Variants in RNF8 observed in about 807,000 individuals in gnomAD.
RNF8 encodes the protein ring finger protein 8.
Under a neutral mutation model 59.3 loss-of-function variants are expected in RNF8, and 8 were observed. The ratio of observed to expected loss-of-function variants is 0.13; its 90% CI spans 0.08 to 0.24. The LOEUF is 0.24. RNF8 is among the 10% of genes least tolerant of loss of function. RNF8 has a pLI of 1.00. For missense variants in RNF8, 406 were observed against 572.6 expected (o/e 0.71, Z 2.97); for synonymous variants, 162 against 200.0 (o/e 0.81, Z 1.60).
chr6:37,387,577 T>C (rs60231109), intron 7 of RNF8, among the ~76,000 whole-genome samples: 2,953 of 152,104 alleles, frequency 0.019, 82 homozygotes, highest in African/African-American at 0.067. Context: ...CCTGGGCTCA[T>C]AGGATCAGCC....
At position 37,390,869 on chromosome 6, in the gene RNF8, C is replaced by G. The variant is rs1165124211; in HGVS notation, c.*111C>G. On this transcript the variant is annotated 3_prime_UTR_variant, in exon 8 of 8. Coordinates refer to ENST00000373479, the MANE Select transcript of RNF8 (RefSeq NM_003958.4). ...CTGCTCTGAAGGTCAACTGAGAAGTCTTGTGGGACAGAGACTTGAGTTAGG... is the reference window on the plus strand; with the variant it reads ...CTGCTCTGAAGGTCAACTGAGAAGTGTTGTGGGACAGAGACTTGAGTTAGG... 5.7e-6 allele frequency: 9 copies of G among 1,588,248 alleles called. No homozygotes were observed. The highest frequency in any genetic ancestry group is 6.9e-6 in the Non-Finnish European group (8 of 1,156,622).
In RNF8 at chr6:37,368,925, A is replaced by T; in HGVS notation, c.682A>T (p.Thr228Ser). 6.2e-7 allele frequency: 1 copy of T among 1,614,208 alleles called. No homozygotes were observed. The highest frequency in any genetic ancestry group is 2.2e-5 in the East Asian group (1 of 44,890). ...APIYPGFPKV[T>S]EVHHEQKASN... is the part of the protein sequence containing the mutation. The stretch of plus-strand genomic sequence containing the variant: ...CATTTACCCTGGCTTCCCCAAAGTC[A>T]CAGAGGTTCATCATGAGCAGAAAGC... The change falls in exon 3 of 8, where the codon ACA (threonine) becomes TCA (serine). Residue 228 changes from threonine to serine, a missense_variant. Thr to Ser is a moderately conservative substitution (Grantham distance 58). Coordinates refer to ENST00000373479, the MANE Select transcript of RNF8 (RefSeq NM_003958.4).
chr6:37,378,132 A>G (rs928336987), intron 6 of RNF8, among the ~76,000 whole-genome samples: 1 of 152,130 alleles, frequency 6.6e-6, no homozygotes, highest in African/African-American at 2.4e-5. Flanking sequence ...CATCTCTACT[A>G]AAACTACAAA....
chr6:37,372,734 C>T (rs1264424284), intron 4 of RNF8, among the ~76,000 whole-genome samples: 1 of 152,200 alleles, frequency 6.6e-6, no homozygotes, highest in Non-Finnish European at 1.5e-5. Context: ...CTTTGGGAGG[C>T]CCAGGCAGGC....
At chr6:37,371,460 CT>C (rs1005099896) in intron 3 of RNF8, 51 bp from the exon 4 acceptor site, 5 of 1,526,870 alleles carry the variant, frequency 3.3e-6, no homozygotes, top group Non-Finnish European at 4.5e-6. Context: ...GATTGTGTTC[CT>C]TTTTTTCTTT....
rs55959177 is a variant in RNF8 at position 37,365,329 on chromosome 6, C to T, written c.241-3155C>T. On this transcript the variant is annotated intron_variant, in intron 2 of 7. Transcript: ENST00000373479. The stretch of plus-strand genomic sequence containing the variant: ...ACAGATAAGTAGTTGCCTGGGAATG[C>T]GGGAAAGGTTGACTACCAAGGGGCA... Among the ~76,000 whole-genome samples the T allele has an allele frequency of 6.8e-3, 1,036 of 152,212 alleles. 10 individuals are homozygous for T. Among genetic ancestry groups the T allele is most frequent in the African/African-American group, 0.024 (977 of 41,530 alleles).
intron 1 of RNF8, among the ~76,000 whole-genome samples, chr6:37,359,003 G>A (rs750959582): frequency 5.9e-5 from 9 of 152,130 alleles, no homozygotes; most frequent in Non-Finnish European, 1.0e-4. Flanking sequence ...AGCTGAGGCA[G>A]GAGAATTGCT....
chr6:37,354,765 C>T (rs949567162), intron 1 of RNF8, among the ~76,000 whole-genome samples: 4 of 122,518 alleles, frequency 3.3e-5, no homozygotes, highest in African/African-American at 2.8e-4. Context: ...GCGCACAGAG[C>T]CCCGCGGTGC....
intron 3 of RNF8, chr6:37,369,645 T>TA (rs1347793750): frequency 6.8e-5 from 11 of 162,138 alleles, no homozygotes; most frequent in African/African-American, 2.4e-4. Flanking sequence ...CCAAATCACT[T>TA]AGTCTCAGGG....
rs1049901828 is a variant in RNF8, at chr6:37,390,919, C to T, written c.*161C>T. On this transcript the variant is annotated 3_prime_UTR_variant, in exon 8 of 8. Transcript: ENST00000373479. ...GAAGCCCTCAGTCACTTGCCTTCCA[C>T]GGTGGCCAGCCCTGCTGCCATCATT... The T allele has an allele frequency of 1.0e-4, 123 of 1,202,688 alleles. No individual in the cohort carries two copies. The highest frequency in any genetic ancestry group is 1.3e-4 in the Non-Finnish European group (108 of 811,494). 74.5% of individuals were successfully genotyped at this position (1,202,688 alleles called of 1,614,324 possible).
rs950380441 is a variant in RNF8 at position 37,368,794 on chromosome 6, G to A, written c.551G>A (p.Gly184Asp). 1.9e-6 allele frequency: 3 copies of A among 1,614,164 alleles called. No homozygotes were observed. In the East Asian group the frequency reaches 6.7e-5, roughly 36 times the overall value. Residue 184 changes from glycine (G) to aspartate (D), a missense_variant, in exon 3 of 8, where the codon GGT becomes GAT. Physicochemically the swap from Gly to Asp is moderately conservative, Grantham distance 94. Around this residue, in one of 3 missense-constraint regions of RNF8, gnomAD observed 285 missense variants for 342.0 expected, o/e 0.83. Coordinates refer to ENST00000373479, the MANE Select transcript of RNF8 (RefSeq NM_003958.4). ...ATAAATAAAGTGTCTTGTGAATCTG[G>A]TCAGCCAGTGAAATCACAGGGGAAA... ...SKINKVSCES[G>D]QPVKSQGKGE...
At chr6:37,369,242 A>G (rs1218088548) in intron 3 of RNF8, 24 bp downstream of exon 3, 4 of 1,577,686 alleles carry the variant, frequency 2.5e-6, no homozygotes, top group Non-Finnish European at 3.4e-6. Context: ...GGGAAGGGCA[A>G]GAGTGGTCTT....
intron 7 of RNF8, among the ~76,000 whole-genome samples, chr6:37,385,915 G>T (rs1331501567): frequency 6.8e-6 from 1 of 147,960 alleles, no homozygotes; most frequent in Non-Finnish European, 1.5e-5. Context: ...GCTCACTGTA[G>T]CCTTGGCCTT....
Position 37,360,423 on chromosome 6 carries a change from C to T in RNF8, c.112-23C>T. 1 of 1,599,866 alleles carries T rather than the reference C, an allele frequency of 6.3e-7. No homozygotes were observed. On this transcript the variant is annotated intron_variant, in intron 1 of 7. Transcript: ENST00000373479. The surrounding 1 kb of genome is among the most constrained non-coding windows in gnomAD (Gnocchi z 4.2). ...TTCAGCACAATGACTGATGGTATTT[C>T]TTGCATTGTTGTTGTCTCCCAGGTG...
At chr6:37,372,165 C>T (rs1291368068) in intron 4 of RNF8, among the ~76,000 whole-genome samples, 1 of 152,206 alleles carries the variant, frequency 6.6e-6, no homozygotes, top group Non-Finnish European at 1.5e-5. Flanking sequence ...TCTTTTGCAT[C>T]TTTAAAACCT....
chr6:37,391,583 G>A lies in RNF8; in HGVS notation c.*825G>A, dbSNP rs1427987984. On this transcript the variant is annotated 3_prime_UTR_variant, in exon 8 of 8. Coordinates refer to ENST00000373479, the MANE Select transcript of RNF8 (RefSeq NM_003958.4). ...GGCAATGATTTTATGACAACTTGAT[G>A]TGCTTTTTTCTTTATTTTTCTTTTA... 2.6e-5 allele frequency: 4 copies of A among 152,176 alleles called. No homozygotes were observed. The highest frequency in any genetic ancestry group is 9.6e-5 in the African/African-American group (4 of 41,456). The allele number at this position is 152,176 out of a possible 1,614,324, so 9.4% of individuals were successfully genotyped here.
At chr6:37,372,973 T>G (rs1301450627) in intron 4 of RNF8, among the ~76,000 whole-genome samples, 1 of 152,120 alleles carries the variant, frequency 6.6e-6, no homozygotes, top group Non-Finnish European at 1.5e-5. Flanking sequence ...CAAAAAAAAG[T>G]GATACTTTTA....
At position 37,391,039 on chromosome 6, in the gene RNF8, C is replaced by T. The variant is rs534680931; in HGVS notation, c.*281C>T. 3.0e-4 allele frequency: 168 copies of T among 565,172 alleles called. 2 individuals are homozygous for T. The highest frequency in any genetic ancestry group is 4.5e-4 in the Non-Finnish European group (142 of 318,094). The allele number at this position is 565,172 out of a possible 1,614,324, so 35.0% of individuals were successfully genotyped here. ...ATGTCGAAAGAGTTATTTGAGTTCT[C>T]TTCTGTTTTTTTTTAATTTGTTGTT... On this transcript the variant is annotated 3_prime_UTR_variant, in exon 8 of 8. Transcript: ENST00000373479.
intron 3 of RNF8, 76 bp downstream of exon 3, chr6:37,369,294 C>T (rs945514814): frequency 6.2e-6 from 9 of 1,461,134 alleles, no homozygotes; most frequent in Non-Finnish European, 8.1e-6. Flanking sequence ...GGCCAGAGTT[C>T]TCAGTTTCTG....
Sources: allele counts gnomAD v4.1 joint callset (sites outside exome capture counted in the v4.1 genomes callset), GRCh38; gene constraint gnomAD v4.1.1; regional missense constraint gnomAD v4.1.1; non-coding constraint Gnocchi (gnomAD v3.1); transcripts MANE v1.5; gene names NCBI Gene and HGNC (gene_info 2026-07-23, HGNC 2026-07-21).